Variants in OSTN observed in about 807,000 individuals in gnomAD.
The protein encoded by OSTN is osteocrin.
OSTN carries 9 observed loss-of-function variants against 12.0 expected under a neutral mutation model. That is an observed-to-expected ratio of 0.75 (90% CI 0.45 to 1.30). The LOEUF (loss-of-function observed/expected upper bound fraction) is 1.30, where lower values mean the gene tolerates loss of function less well. Ranked by LOEUF, OSTN falls within the 50% of genes most tolerant of loss-of-function variation. OSTN has a pLI of 0.00. For synonymous variants in OSTN, 59 were observed against 56.9 expected, an observed-to-expected ratio of 1.04 and a Z score of -0.16; for missense variants, 148 against 152.3, an observed-to-expected ratio of 0.97 and a Z score of 0.15.
chr3:191,249,325 A>G (rs976137766), intron 3 of OSTN, among the ~76,000 whole-genome samples: 1 of 152,208 alleles, frequency 6.6e-6, no homozygotes, highest in Non-Finnish European at 1.5e-5. Context: ...TTAGCAAATC[A>G]AATTGAAAAG....
At chr3:191,262,748 G>A (rs560544400) in intron 4 of OSTN, 118 bp from the exon 5 acceptor site, 4 of 609,700 alleles carry the variant, frequency 6.6e-6, no homozygotes, top group Admixed American at 2.5e-5. Flanking sequence ...GTAAATAAAG[G>A]CTATAATGAA....
At chr3:191,211,732 G>C (rs1228237402) in intron 1 of OSTN, among the ~76,000 whole-genome samples, 1 of 152,096 alleles carries the variant, frequency 6.6e-6, no homozygotes, top group Non-Finnish European at 1.5e-5. Flanking sequence ...ATTAAAGAAA[G>C]TGTATGTATT....
Position 191,223,065 on chromosome 3 carries a change from A to T in OSTN, c.317+4104A>T, listed in dbSNP as rs555133540. 1.2e-3 allele frequency among the ~76,000 whole-genome samples: 190 copies of T among 152,308 alleles called. 2 individuals are homozygous for T. Among genetic ancestry groups the T allele is most frequent in the African/African-American group, 4.4e-3 (181 of 41,568 alleles). The stretch of plus-strand genomic sequence containing the variant: ...TTTCCTTTATGAATTACCCAGTCTC[A>T]GGTATGTCCTTCATAGCAGTGTGAG... On this transcript the variant is annotated intron_variant, in intron 3 of 4. Coordinates refer to ENST00000682035, the MANE Select transcript of OSTN (RefSeq NM_198184.2).
chr3:191,245,434 G>A (rs1183885056), intron 3 of OSTN, among the ~76,000 whole-genome samples: 1 of 152,140 alleles, frequency 6.6e-6, no homozygotes, highest in Non-Finnish European at 1.5e-5. Flanking sequence ...GGAAAGAGTA[G>A]CTTAGAATAA....
In OSTN at chr3:191,264,920, T is replaced by C. The variant is rs764384552; in HGVS notation, c.*2067T>C. 2 of 152,080 alleles carry C rather than the reference T, an allele frequency of 1.3e-5. No individual in the cohort carries two copies. The highest frequency in any genetic ancestry group is 2.9e-5 in the Non-Finnish European group (2 of 67,958). The allele number at this position is 152,080 out of a possible 1,614,324, so 9.4% of individuals were successfully genotyped here. ...CATCCAACTTAATTAAAATAAGAAG[T>C]CACAATATAGTGATTTATGCTATAG... On this transcript the variant is annotated 3_prime_UTR_variant, in exon 5 of 5. Transcript: ENST00000682035.
At position 191,263,844 on chromosome 3, in the gene OSTN, CA is replaced by C. The variant is rs1263956274; in HGVS notation, c.*992del. The C allele has an allele frequency of 1.3e-5, 2 of 152,026 alleles. No homozygotes were observed. The allele number at this position is 152,026 out of a possible 1,614,324, so 9.4% of individuals were successfully genotyped here. ...ATTATTTTTGAATGACTTATTAAAA[CA>C]TAAGTTTTCGTATTGTAGAAAACTC... is the stretch of plus-strand genomic sequence containing the variant. On this transcript the variant is annotated 3_prime_UTR_variant, in exon 5 of 5. Transcript: ENST00000682035.
chr3:191,260,107 C>CACTT (rs1715773168), intron 4 of OSTN, among the ~76,000 whole-genome samples: 1 of 152,012 alleles, frequency 6.6e-6, no homozygotes, highest in Admixed American at 6.5e-5. Flanking sequence ...CCTCACCCTC[C>CACTT]CAAAGTGCTG....
intron 1 of OSTN, among the ~76,000 whole-genome samples, chr3:191,202,897 G>A (rs6776391): frequency 0.44 from 67,107 of 152,032 alleles, 15,951 homozygotes; most frequent in African/African-American, 0.61. Flanking sequence ...TCTATTTTTA[G>A]GTAACATAGT....
At chr3:191,242,731 AG>A (rs1715348752) in intron 3 of OSTN, among the ~76,000 whole-genome samples, 1 of 152,222 alleles carries the variant, frequency 6.6e-6, no homozygotes, top group Admixed American at 6.5e-5. Flanking sequence ...GAAATGTAAA[AG>A]GCAAAACTAC....
intron 3 of OSTN, among the ~76,000 whole-genome samples, chr3:191,229,168 A>G (rs1248258664): frequency 6.6e-6 from 1 of 152,258 alleles, no homozygotes; most frequent in Non-Finnish European, 1.5e-5. Flanking sequence ...TAAATAAATT[A>G]CAGCGTTTGA....
At chr3:191,261,285 C>G (rs1386077170) in intron 4 of OSTN, among the ~76,000 whole-genome samples, 1 of 152,074 alleles carries the variant, frequency 6.6e-6, no homozygotes, top group Non-Finnish European at 1.5e-5. Flanking sequence ...TACAGGGGAG[C>G]CTTCAGAATG....
intron 3 of OSTN, among the ~76,000 whole-genome samples, chr3:191,225,436 AT>A (rs969824812): frequency 1.1e-4 from 16 of 152,088 alleles, no homozygotes; most frequent in African/African-American, 2.4e-4. Context: ...TTCAGAGAAT[AT>A]TTTTTTAAAG....
chr3:191,204,388 A>C (rs1714222663), intron 1 of OSTN, among the ~76,000 whole-genome samples: 1 of 152,178 alleles, frequency 6.6e-6, no homozygotes, highest in African/African-American at 2.4e-5. Context: ...GATAATATAG[A>C]TGATATATGT....
intron 3 of OSTN, among the ~76,000 whole-genome samples, chr3:191,243,613 T>A (rs1370707481): frequency 6.6e-6 from 1 of 152,154 alleles, no homozygotes; most frequent in African/African-American, 2.4e-5. Context: ...GTGTACAGTA[T>A]GTTCTGATAT....
At chr3:191,214,899 C>A (rs1487979181) in intron 2 of OSTN, among the ~76,000 whole-genome samples, 1 of 152,070 alleles carries the variant, frequency 6.6e-6, no homozygotes, top group Non-Finnish European at 1.5e-5. Flanking sequence ...ATAATCCCAG[C>A]TACTCAGGAG....
intron 4 of OSTN, among the ~76,000 whole-genome samples, chr3:191,254,494 A>G (rs954935257): frequency 1.5e-4 from 23 of 152,230 alleles, no homozygotes; most frequent in African/African-American, 5.5e-4. Context: ...TTCAGGTTAG[A>G]AAAAAATGGA....
intron 3 of OSTN, among the ~76,000 whole-genome samples, chr3:191,237,309 A>G (rs9862736): frequency 0.6 from 91,849 of 152,092 alleles, 28,925 homozygotes; most frequent in Middle Eastern, 0.73. Context: ...TAGTTTTAGA[A>G]TTACTGTATC....
chr3:191,225,984 T>A (rs1714900237), intron 3 of OSTN, among the ~76,000 whole-genome samples: 1 of 152,128 alleles, frequency 6.6e-6, no homozygotes, highest in Non-Finnish European at 1.5e-5. Flanking sequence ...AAAATATTTT[T>A]TAAAAATACT....
At chr3:191,252,277 G>A (rs914155391) in intron 4 of OSTN, among the ~76,000 whole-genome samples, 6 of 152,170 alleles carry the variant, frequency 3.9e-5, no homozygotes, top group Admixed American at 2.6e-4. Flanking sequence ...ATGTTGGCCA[G>A]GATGGTCTCG....
Sources: allele counts gnomAD v4.1 joint callset (sites outside exome capture counted in the v4.1 genomes callset), GRCh38; gene constraint gnomAD v4.1.1; transcripts MANE v1.5; gene names NCBI Gene and HGNC (gene_info 2026-07-23, HGNC 2026-07-21).